RB1: variants seen among roughly 807,000 people sequenced by gnomAD.
RB1 encodes RB transcriptional corepressor 1.
A neutral mutation model predicts 135.4 loss-of-function variants in RB1; 18 were observed. The observed-to-expected ratio is 0.13, with a 90% CI of 0.09 to 0.20. The LOEUF (loss-of-function observed/expected upper bound fraction) is 0.20, where lower values mean the gene tolerates loss of function less well. Ranked by LOEUF, RB1 falls within the 10% of genes least tolerant of loss-of-function variation. RB1 has a pLI of 1.00. For missense variants in RB1, 868 were observed against 1,110.0 expected (o/e 0.78, Z 3.10); for synonymous variants, 365 against 373.2 (o/e 0.98, Z 0.25).
chr13:48,461,974 AG>A (rs1363167381), intron 20 of RB1, among the ~76,000 whole-genome samples: 19 of 152,092 alleles, frequency 1.2e-4, no homozygotes, highest in African/African-American at 4.6e-4. Context: ...CTGGGATTAC[AG>A]GTGTGTGCCA....
At chr13:48,458,120 C>T (rs138740691) in intron 19 of RB1, among the ~76,000 whole-genome samples, 50 of 152,336 alleles carry the variant, frequency 3.3e-4, no homozygotes, top group Middle Eastern at 3.4e-3. Context: ...CTGCTTGTCC[C>T]CGGCTCCTCC....
chr13:48,367,710 C>A, intron 10 of RB1, 107 bp downstream of exon 10: 2 of 1,295,694 alleles, frequency 1.5e-6, no homozygotes, highest in Admixed American at 2.4e-5. Context: ...TCATTTATAA[C>A]AAATTACTTT....
intron 12 of RB1, 115 bp from the exon 13 acceptor site, chr13:48,376,803 G>C: frequency 6.7e-7 from 1 of 1,498,442 alleles, no homozygotes; most frequent in South Asian, 1.2e-5. Context: ...AGTTATTATG[G>C]AAGTGTTTCC....
In RB1 at chr13:48,382,830, C is replaced by A. The variant is rs535148002; in HGVS notation, c.1695+1387C>A. ...TTCTAGGGTTTTTATGGTTTTAGGT[C>A]TAACATTTAAGTCTTTAATCCATCT... On this transcript the variant is annotated intron_variant, in intron 17 of 26. Coordinates refer to ENST00000267163, the MANE Select transcript of RB1 (RefSeq NM_000321.3). Among the ~76,000 whole-genome samples the A allele has an allele frequency of 3.5e-3, 528 of 152,080 alleles. 1 individual carries two copies. Among genetic ancestry groups the A allele is most frequent in the Middle Eastern group, 0.034 (10 of 294 alleles).
intron 2 of RB1, chr13:48,320,493 A>ACG (rs1952225288): frequency 2.9e-6 from 2 of 686,866 alleles, no homozygotes; most frequent in African/African-American, 3.6e-5. Flanking sequence ...AAGGGGAGGG[A>ACG]CGCGCAGAGG....
chr13:48,437,194 A>G (rs1269852085), intron 17 of RB1, among the ~76,000 whole-genome samples: 1 of 152,202 alleles, frequency 6.6e-6, no homozygotes, highest in Non-Finnish European at 1.5e-5. Context: ...TAAGTAGCAA[A>G]ACAGAGTGAA....
In RB1 at chr13:48,373,440, T is replaced by C. The variant is rs373623059; in HGVS notation, c.1163T>C (p.Ile388Thr). The change falls in exon 12 of 27, where the codon ATT (isoleucine) becomes ACT (threonine). Residue 388 changes from isoleucine to threonine, a missense_variant. By Grantham distance (89) the Ile-to-Thr change is moderately conservative (BLOSUM62 -1). Transcript: ENST00000267163. ...AACACTATCCAACAATTAATGATGA[T>C]TTTAAATTCAGCAAGTGATCAACCT... is the stretch of plus-strand genomic sequence containing the variant. ...VMNTIQQLMM[I>T]LNSASDQPSE... is the part of the protein sequence containing the mutation. 1 of 1,598,892 alleles carries C rather than the reference T, an allele frequency of 6.3e-7. No homozygotes were observed. The highest frequency in any genetic ancestry group is 8.6e-7 in the Non-Finnish European group (1 of 1,166,556).
intron 2 of RB1, chr13:48,317,278 A>T (rs7324532): frequency 7.5e-6 from 3 of 400,136 alleles, no homozygotes; most frequent in African/African-American, 6.1e-5. Flanking sequence ...GGAGAAGCCC[A>T]CAAGGGGTAG....
intron 17 of RB1, among the ~76,000 whole-genome samples, chr13:48,442,164 A>G (rs1044562236): frequency 2.0e-5 from 3 of 151,862 alleles, no homozygotes; most frequent in Non-Finnish European, 4.4e-5. Flanking sequence ...ACATTGTATT[A>G]GTTCCTTTTA....
chr13:48,313,236 T>C (rs1361441811), intron 2 of RB1, among the ~76,000 whole-genome samples: 5 of 152,182 alleles, frequency 3.3e-5, no homozygotes, highest in East Asian at 1.9e-4. Flanking sequence ...CAGTTAAAGC[T>C]TCTCCTTTAT....
chr13:48,395,719 A>G (rs374342341), intron 17 of RB1, among the ~76,000 whole-genome samples: 1 of 152,218 alleles, frequency 6.6e-6, no homozygotes, highest in East Asian at 1.9e-4. Flanking sequence ...CCTCCAAGAA[A>G]TAGGGGACTA....
intron 2 of RB1, chr13:48,328,492 T>C: frequency 1.2e-6 from 1 of 812,732 alleles, no homozygotes. Flanking sequence ...AACTTTCCTC[T>C]CCATTACTCC....
chr13:48,330,558 TGAAA>T (rs1270464978), intron 2 of RB1, among the ~76,000 whole-genome samples: 1 of 152,040 alleles, frequency 6.6e-6, no homozygotes, highest in African/African-American at 2.4e-5. Flanking sequence ...TTGGATGACC[TGAAA>T]GAGACAGATT....
At chr13:48,428,863 A>G (rs1949102610) in intron 17 of RB1, among the ~76,000 whole-genome samples, 1 of 152,226 alleles carries the variant, frequency 6.6e-6, no homozygotes, top group African/African-American at 2.4e-5. Flanking sequence ...TCCAGCATAG[A>G]TTATTATCAG....
chr13:48,318,507 C>A lies in RB1; in HGVS notation c.264+11101C>A, dbSNP rs573340167. ...TGTCTTACCCTGGCCCTGCGTCATG[C>A]GAGTGTCGCCGGGCCCCTTGGCTGC... On this transcript the variant is annotated intron_variant, in intron 2 of 26. Coordinates refer to ENST00000267163, the MANE Select transcript of RB1 (RefSeq NM_000321.3). 80 of 1,055,678 alleles carry A rather than the reference C, an allele frequency of 7.6e-5. No homozygotes were observed. In the African/African-American group the frequency reaches 1.1e-3, roughly 15 times the overall value. The allele number at this position is 1,055,678 out of a possible 1,614,324, so 65.4% of individuals were successfully genotyped here. A position where few individuals can be genotyped will look rare whatever the true frequency, so the allele number is the denominator to read the frequency against.
chr13:48,426,520 A>G (rs1344237548), intron 17 of RB1: 1 of 152,244 alleles, frequency 6.6e-6, no homozygotes, highest in African/African-American at 2.4e-5. Flanking sequence ...TAGTCTTAAT[A>G]TCCTCTAATG....
At chr13:48,437,944 T>C (rs954295872) in intron 17 of RB1, among the ~76,000 whole-genome samples, 1 of 152,176 alleles carries the variant, frequency 6.6e-6, no homozygotes, top group Admixed American at 6.6e-5. Flanking sequence ...ACAAATCCTA[T>C]TATCAGTTTT....
At chr13:48,401,908 A>T (rs1210549345) in intron 17 of RB1, among the ~76,000 whole-genome samples, 2 of 152,138 alleles carry the variant, frequency 1.3e-5, no homozygotes, top group African/African-American at 4.8e-5. Flanking sequence ...GACTAACATA[A>T]ATCTGTCTTG....
chr13:48,312,279 G>T (rs1952138087), intron 2 of RB1, among the ~76,000 whole-genome samples: 1 of 151,932 alleles, frequency 6.6e-6, no homozygotes. Context: ...ATTTTTAGCT[G>T]AATACTTTTT....
Sources: gnomAD v4.1 joint callset for allele counts (sites outside exome capture counted in the v4.1 genomes callset) on GRCh38, gnomAD v4.1.1 for gene constraint, MANE v1.5 for transcripts, NCBI Gene and HGNC (gene_info 2026-07-23, HGNC 2026-07-21) for gene names.